Variants in PHF21B observed in about 807,000 individuals in gnomAD.
PHF21B encodes PHD finger protein 21B, also known as PHD finger protein 4.
A neutral mutation model predicts 62.2 loss-of-function variants in PHF21B; 22 were observed. The observed-to-expected ratio is 0.35, with a 90% CI of 0.25 to 0.51. The LOEUF is 0.51. Ranked by LOEUF, PHF21B falls within the 20% of genes least tolerant of loss-of-function variation. The pLI is 0.97. For missense variants in PHF21B, 701 were observed against 707.9 expected (o/e 0.99, Z 0.11); for synonymous variants, 341 against 314.7 (o/e 1.08, Z -0.88).
chr22:44,913,959 T>C lies in PHF21B; in HGVS notation c.694A>G (p.Ile232Val). ...GTCTGCACTTGAGGCTGAATGATGA[T>C]GACCTGGAAGATGCCATGGAGGGGT... is the stretch of plus-strand genomic sequence containing the variant. ...PSPLHGIFQV[I>V]IIQPQVQTQP... is the part of the protein sequence containing the mutation. Residue 232 changes from isoleucine (I) to valine (V), a missense_variant, in exon 5 of 13, where the codon ATC becomes GTC. Ile to Val is a conservative substitution (Grantham distance 29, BLOSUM62 3). Coordinates refer to ENST00000313237, the MANE Select transcript of PHF21B (RefSeq NM_138415.5). The C allele has an allele frequency of 6.4e-7, 1 of 1,562,462 alleles. No homozygotes were observed. Among genetic ancestry groups the C allele is most frequent in the Non-Finnish European group, 8.7e-7 (1 of 1,154,716 alleles).
At chr22:44,923,565 T>C (rs570380474) in intron 2 of PHF21B, among the ~76,000 whole-genome samples, 1 of 152,012 alleles carries the variant, frequency 6.6e-6, no homozygotes, top group East Asian at 1.9e-4. Context: ...GTTAGGAAAA[T>C]GCAAAAAGTG....
intron 2 of PHF21B, among the ~76,000 whole-genome samples, chr22:44,970,466 C>A (rs532423130): frequency 6.6e-5 from 10 of 152,344 alleles, no homozygotes; most frequent in African/African-American, 2.4e-4. Flanking sequence ...CATGCCCACC[C>A]CTCTAGGTCT....
intron 5 of PHF21B, among the ~76,000 whole-genome samples, chr22:44,908,386 C>T (rs771262699): frequency 6.6e-6 from 1 of 152,190 alleles, no homozygotes; most frequent in African/African-American, 2.4e-5. Context: ...GTGGTCTTAT[C>T]TCGTTCTGCT....
intron 10 of PHF21B, 151 bp downstream of exon 10, chr22:44,887,812 G>T: frequency 1.3e-6 from 1 of 782,818 alleles, no homozygotes; most frequent in Non-Finnish European, 1.8e-6. Context: ...CTCAACCAAG[G>T]ATTATCCAGC....
chr22:45,005,154 T>C (rs942133486), intron 2 of PHF21B, among the ~76,000 whole-genome samples: 6 of 152,250 alleles, frequency 3.9e-5, no homozygotes, highest in Non-Finnish European at 8.8e-5. Flanking sequence ...GATAAAAATG[T>C]TACTGCCCCT....
rs1257196774 is a variant in PHF21B, at chr22:44,913,875, G to T, written c.778C>A (p.Gln260Lys). The change falls in exon 5 of 13, where the codon CAG becomes AAG. Residue 260 changes from glutamine to lysine, a missense_variant. Transcript: ENST00000313237. ...TCTTCCTTCTTCTTTTTGGTGGCCTGAGCTCCCTGAGATGGCTCCTCTGTG... is the reference window on the plus strand; with the variant it reads ...TCTTCCTTCTTCTTTTTGGTGGCCTTAGCTCCCTGAGATGGCTCCTCTGTG... ...PPTEEPSQGA[Q>K]ATKKKKEDRP... 3 of 1,613,904 alleles carry T rather than the reference G, an allele frequency of 1.9e-6. No homozygotes were observed. In the East Asian group the frequency reaches 6.7e-5, roughly 36 times the overall value.
intron 2 of PHF21B, among the ~76,000 whole-genome samples, chr22:44,991,748 G>A (rs1217766224): frequency 2.0e-5 from 3 of 152,240 alleles, no homozygotes; most frequent in Admixed American, 6.5e-5. Context: ...CTGCTAGCCA[G>A]ACCTGACTCT....
intron 2 of PHF21B, among the ~76,000 whole-genome samples, chr22:44,945,786 G>C (rs2072057260): frequency 6.6e-6 from 1 of 152,042 alleles, no homozygotes; most frequent in South Asian, 2.1e-4. Flanking sequence ...AAGCACGAGG[G>C]GTCAGCCTGA....
intron 2 of PHF21B, among the ~76,000 whole-genome samples, chr22:44,941,303 C>T (rs1042024260): frequency 1.7e-4 from 26 of 152,316 alleles, no homozygotes; most frequent in Non-Finnish European, 2.8e-4. Flanking sequence ...CGCGCCATGC[C>T]GCACCACCAG....
At chr22:44,900,884 C>T (rs567433535) in intron 5 of PHF21B, among the ~76,000 whole-genome samples, 4 of 152,198 alleles carry the variant, frequency 2.6e-5, no homozygotes, top group African/African-American at 9.6e-5. Context: ...ACATTTTCCC[C>T]CTGGAGCACA....
chr22:44,894,925 C>T (rs1312360266), intron 6 of PHF21B, among the ~76,000 whole-genome samples: 1 of 152,204 alleles, frequency 6.6e-6, no homozygotes, highest in South Asian at 2.1e-4. Context: ...CCAGGTCCCT[C>T]CCCTCCCCTG....
At chr22:44,938,524 C>T (rs565115560) in intron 2 of PHF21B, among the ~76,000 whole-genome samples, 140 of 152,332 alleles carry the variant, frequency 9.2e-4, no homozygotes, top group Non-Finnish European at 1.4e-3. Context: ...TGAGCCACTG[C>T]GCCCAAAAAA....
chr22:44,909,702 T>C (rs1170332057), intron 5 of PHF21B, among the ~76,000 whole-genome samples: 1 of 152,226 alleles, frequency 6.6e-6, no homozygotes, highest in East Asian at 1.9e-4. Context: ...CTGCTCTGGG[T>C]GTGTGGAATC....
chr22:44,987,851 T>C (rs1411043485), intron 2 of PHF21B, among the ~76,000 whole-genome samples: 3 of 150,378 alleles, frequency 2.0e-5, no homozygotes, highest in African/African-American at 4.9e-5. Flanking sequence ...TATCAGGCCA[T>C]AGATTATAAA....
intron 2 of PHF21B, among the ~76,000 whole-genome samples, chr22:44,929,001 C>T (rs2071688479): frequency 1.4e-5 from 2 of 145,722 alleles, no homozygotes; most frequent in Admixed American, 1.4e-4. Flanking sequence ...CCAGAAGCCC[C>T]CATGGAAGGC....
At chr22:45,008,790 T>C in intron 1 of PHF21B, 180 bp from the exon 2 acceptor site, 1 of 1,165,818 alleles carries the variant, frequency 8.6e-7, no homozygotes, top group Non-Finnish European at 1.1e-6. Context: ...GCGGGGCCGC[T>C]TACCTGTGGC....
At chr22:44,928,182 G>A (rs1000629294) in intron 2 of PHF21B, among the ~76,000 whole-genome samples, 8 of 152,098 alleles carry the variant, frequency 5.3e-5, no homozygotes, top group South Asian at 4.1e-4. Context: ...TCAGCTGTGC[G>A]GGACCCCTCA....
At chr22:44,964,363 C>T (rs2072482970) in intron 2 of PHF21B, among the ~76,000 whole-genome samples, 2 of 152,308 alleles carry the variant, frequency 1.3e-5, no homozygotes. Context: ...GCGTGGTGCA[C>T]CCCGGCCCCC....
intron 2 of PHF21B, among the ~76,000 whole-genome samples, chr22:44,995,396 G>A (rs563271029): frequency 7.3e-4 from 111 of 152,336 alleles, no homozygotes; most frequent in African/African-American, 2.4e-3. Flanking sequence ...GGCAGTGGCT[G>A]GGGCTGGAGT....
Sources: allele counts gnomAD v4.1 joint callset (sites outside exome capture counted in the v4.1 genomes callset), GRCh38; gene constraint gnomAD v4.1.1; transcripts MANE v1.5; gene names NCBI Gene and HGNC (gene_info 2026-07-23, HGNC 2026-07-21).